CAST: variants seen among roughly 807,000 people sequenced by gnomAD.
CAST encodes MIR583 host.
In CAST, 76 loss-of-function variants were observed where a neutral mutation model predicts 119.6. The observed-to-expected ratio is 0.64, with a 90% CI of 0.53 to 0.77. The LOEUF (loss-of-function observed/expected upper bound fraction) is 0.77. Ranked by LOEUF, CAST falls within the 30% of genes least tolerant of loss-of-function variation. The probability of loss-of-function intolerance (pLI) is 0.00; values close to 1 mark genes in which losing one functional copy is unlikely to be tolerated. For synonymous variants in CAST, 319 were observed against 331.6 expected (o/e 0.96, Z 0.41); for missense variants, 953 against 946.5 (o/e 1.01, Z -0.09).
At chr5:96,625,116 G>A (rs1256629022) in intron 1 of CAST, among the ~76,000 whole-genome samples, 2 of 152,112 alleles carry the variant, frequency 1.3e-5, no homozygotes, top group South Asian at 2.1e-4. Context: ...ATAATTCTGT[G>A]AGCAGCAATA....
the CAST span, among the ~76,000 whole-genome samples, chr5:96,274,180 C>G: frequency 2.6e-5 from 4 of 151,466 alleles, no homozygotes; most frequent in Non-Finnish European, 4.4e-5. Context: ...TGGCTCATTG[C>G]AAGCTCCGCC....
the CAST span, among the ~76,000 whole-genome samples, chr5:96,009,427 T>G: frequency 1.3e-5 from 2 of 152,178 alleles, no homozygotes; most frequent in Non-Finnish European, 2.9e-5. Flanking sequence ...CCACCAACAG[T>G]GTAAATGTTT....
rs774438350 is a variant in CAST, at chr5:96,740,751, G to A, written c.886G>A (p.Glu296Lys). Residue 296 changes from glutamate to lysine, a missense_variant, in exon 13 of 32, where the codon GAA (glutamate) becomes AAA (lysine). Physicochemically the swap from Glu to Lys is moderately conservative, Grantham distance 56 (BLOSUM62 1). Transcript: ENST00000675179. ...PKYRELLAKK[E>K]GITGPPADSS... is the part of the protein sequence containing the mutation. Reference sequence around the variant, plus strand: ...AAATTAATATTTGTTTCAGAAAAAGGAAGGGATCACAGGGCCTCCTGCAGA... The same window carrying A: ...AAATTAATATTTGTTTCAGAAAAAGAAAGGGATCACAGGGCCTCCTGCAGA... 1 of 1,599,258 alleles carries A rather than the reference G, an allele frequency of 6.3e-7. No individual in the cohort carries two copies. Among genetic ancestry groups the A allele is most frequent in the African/African-American group, 1.3e-5 (1 of 74,762 alleles).
At chr5:96,292,677 G>A in the CAST span, among the ~76,000 whole-genome samples, 57 of 152,280 alleles carry the variant, frequency 3.7e-4, no homozygotes, top group Non-Finnish European at 7.2e-4. Context: ...GGAGAATTTT[G>A]TCTTTTAGTA....
At chr5:96,329,101 A>G in the CAST span, among the ~76,000 whole-genome samples, 1 of 152,100 alleles carries the variant, frequency 6.6e-6, no homozygotes, top group Non-Finnish European at 1.5e-5. Context: ...ACTATCTATC[A>G]TCTTCTATTA....
At chr5:96,225,475 A>C in the CAST span, among the ~76,000 whole-genome samples, 1 of 152,224 alleles carries the variant, frequency 6.6e-6, no homozygotes, top group South Asian at 2.1e-4. Flanking sequence ...TAGATAGAAA[A>C]GAGTTAAGTG....
At chr5:96,144,779 C>T in the CAST span, among the ~76,000 whole-genome samples, 3 of 151,892 alleles carry the variant, frequency 2.0e-5, no homozygotes, top group South Asian at 2.1e-4. Flanking sequence ...CAGGTTCAAG[C>T]GATTATCCTG....
the CAST span, among the ~76,000 whole-genome samples, chr5:96,155,121 G>T: frequency 1.3e-5 from 2 of 152,104 alleles, no homozygotes; most frequent in African/African-American, 2.4e-5. Flanking sequence ...TTAAAGTTTT[G>T]GTGTTGTGAA....
chr5:96,648,671 GTACCTC>G (rs1234220357), intron 1 of CAST, among the ~76,000 whole-genome samples: 6 of 151,900 alleles, frequency 3.9e-5, no homozygotes, highest in Non-Finnish European at 5.9e-5. Context: ...TGAGTACTTA[GTACCTC>G]TGCATTGTGA....
chr5:96,209,810 G>T, the CAST span, among the ~76,000 whole-genome samples: 2 of 151,174 alleles, frequency 1.3e-5, no homozygotes, highest in East Asian at 1.9e-4. Context: ...TGTGTCTTGG[G>T]GGTGGTTGTC....
the CAST span, among the ~76,000 whole-genome samples, chr5:96,510,166 T>C: frequency 6.6e-6 from 1 of 152,228 alleles, no homozygotes; most frequent in Admixed American, 6.5e-5. Flanking sequence ...AAGTTATTTC[T>C]CAATAAGCTG....
At chr5:96,428,357 T>G in the CAST span, among the ~76,000 whole-genome samples, 1 of 152,212 alleles carries the variant, frequency 6.6e-6, no homozygotes, top group Admixed American at 6.5e-5. Flanking sequence ...ACAAAAATTA[T>G]GTACACAGAT....
chr5:95,969,882 A>C, the CAST span, among the ~76,000 whole-genome samples: 1 of 152,178 alleles, frequency 6.6e-6, no homozygotes, highest in Non-Finnish European at 1.5e-5. Context: ...TGTGAAATTG[A>C]GCAAGTTTTC....
intron 20 of CAST, among the ~76,000 whole-genome samples, chr5:96,751,373 T>C (rs1442575459): frequency 6.6e-6 from 1 of 152,242 alleles, no homozygotes; most frequent in Non-Finnish European, 1.5e-5. Flanking sequence ...TTGCAATGTC[T>C]TCTCATTAAA....
the CAST span, among the ~76,000 whole-genome samples, chr5:96,409,552 A>T: frequency 6.6e-6 from 1 of 152,228 alleles, no homozygotes; most frequent in South Asian, 2.1e-4. Context: ...AGTTTTACAA[A>T]GATAGAAAAT....
chr5:96,517,534 G>C, the CAST span, among the ~76,000 whole-genome samples: 77 of 152,220 alleles, frequency 5.1e-4, no homozygotes, highest in Non-Finnish European at 9.7e-4. Flanking sequence ...ATCAGATATA[G>C]AGGAGATTTG....
chr5:96,122,635 A>G, the CAST span, among the ~76,000 whole-genome samples: 1 of 152,092 alleles, frequency 6.6e-6, no homozygotes, highest in Non-Finnish European at 1.5e-5. Context: ...GGGGGTAGAA[A>G]GTTTATTCTC....
At chr5:95,996,958 T>G in the CAST span, among the ~76,000 whole-genome samples, 2 of 151,910 alleles carry the variant, frequency 1.3e-5, no homozygotes, top group African/African-American at 2.4e-5. Context: ...GATCATCACA[T>G]AAGAAATAGT....
chr5:96,561,788 T>TA (rs1554067780), intron 1 of CAST, among the ~76,000 whole-genome samples: 2 of 68,768 alleles, frequency 2.9e-5, no homozygotes, highest in Non-Finnish European at 5.5e-5. Context: ...ATATATATGT[T>TA]TTTTTTTGTT....
Sources: gnomAD v4.1 joint callset for allele counts (sites outside exome capture counted in the v4.1 genomes callset) on GRCh38, gnomAD v4.1.1 for gene constraint, MANE v1.5 for transcripts, NCBI Gene and HGNC (gene_info 2026-07-23, HGNC 2026-07-21) for gene names.